Variants in SYNE2 observed in about 807,000 individuals in gnomAD.
The protein encoded by SYNE2 is nesprin-2.
SYNE2 carries 431 observed loss-of-function variants against 856.3 expected under a neutral mutation model. The ratio of observed to expected loss-of-function variants is 0.50; its 90% CI spans 0.47 to 0.55. The LOEUF (loss-of-function observed/expected upper bound fraction) is 0.55. Ranked by LOEUF, SYNE2 falls within the 20% of genes least tolerant of loss-of-function variation. The probability of loss-of-function intolerance (pLI) is 0.00; values close to 1 mark genes in which losing one functional copy is unlikely to be tolerated. For missense variants in SYNE2, 8,129 were observed against 8,023.2 expected, an observed-to-expected ratio of 1.01 and a Z score of -0.50; for synonymous variants, 2,923 against 2,872.3, an observed-to-expected ratio of 1.02 and a Z score of -0.56.
chr14:64,059,075 T>C (rs140651274), intron 49 of SYNE2, among the ~76,000 whole-genome samples: 9 of 152,262 alleles, frequency 5.9e-5, no homozygotes, highest in Non-Finnish European at 1.2e-4. Context: ...TTCTCTGTTA[T>C]CTTGAATTTC....
At chr14:63,796,314 C>T in intron 1 of SYNE2, among the ~76,000 whole-genome samples, 1 of 152,104 alleles carries the variant, frequency 6.6e-6, no homozygotes, top group East Asian at 1.9e-4. Context: ...CAAATATTAG[C>T]TGGGCATGGT....
intron 1 of SYNE2, among the ~76,000 whole-genome samples, chr14:63,886,349 T>G (rs970787438): frequency 1.3e-5 from 2 of 152,210 alleles, no homozygotes; most frequent in Non-Finnish European, 2.9e-5. Context: ...GGTAATGACT[T>G]TTTATTAGAA....
chr14:64,090,643 C>A (rs548583342), intron 59 of SYNE2, among the ~76,000 whole-genome samples: 1 of 152,248 alleles, frequency 6.6e-6, no homozygotes, highest in Middle Eastern at 3.4e-3. Flanking sequence ...TGTCCAAATG[C>A]GTAATTTAGT....
intron 113 of SYNE2, 140 bp from the exon 114 acceptor site, chr14:64,224,321 A>G: frequency 2.4e-6 from 2 of 827,784 alleles, no homozygotes; most frequent in South Asian, 2.8e-5. Flanking sequence ...ACTGCACTCC[A>G]GCCTGGGTGA....
At position 64,177,463 on chromosome 14, in the gene SYNE2, A is replaced by G. The variant is rs1317921405; in HGVS notation, c.17536A>G (p.Asn5846Asp). The G allele has an allele frequency of 1.9e-6, 3 of 1,614,098 alleles. No individual in the cohort carries two copies. The African/African-American group carries it at 4.0e-5, about 22-fold the overall frequency. ...PLPELHEDLH[N>D]EKELIKELEQ... ...TCCAGAGCTTCACGAGGACCTCCAT[A>G]ACGAAAAAGAGCTGATTAAGGTATT... Residue 5846 changes from asparagine to aspartate, a missense_variant, in exon 96 of 116, where the codon AAC becomes GAC. Asn to Asp is a conservative substitution (Grantham distance 23, BLOSUM62 1). Around this residue, in one of 3 missense-constraint regions of SYNE2, gnomAD observed 5,410 missense variants for 5,284.8 expected, o/e 1.02. Coordinates refer to ENST00000555002, the MANE Select transcript of SYNE2 (RefSeq NM_182914.3).
chr14:63,853,969 T>G (rs1891099462), intron 1 of SYNE2, among the ~76,000 whole-genome samples: 1 of 152,164 alleles, frequency 6.6e-6, no homozygotes, highest in South Asian at 2.1e-4. Context: ...CATTAGCGCC[T>G]TATTTGATTG....
intron 45 of SYNE2, among the ~76,000 whole-genome samples, chr14:64,042,989 C>G (rs979528015): frequency 6.6e-6 from 1 of 152,144 alleles, no homozygotes; most frequent in African/African-American, 2.4e-5. Flanking sequence ...TGTTGAATGG[C>G]TTTGACCAAA....
At chr14:64,148,461 A>G (rs907821101) in intron 84 of SYNE2, among the ~76,000 whole-genome samples, 1 of 152,200 alleles carries the variant, frequency 6.6e-6, no homozygotes, top group Non-Finnish European at 1.5e-5. Flanking sequence ...ATCCCTCGTC[A>G]GTCCCCATTT....
chr14:64,016,491 G>A lies in SYNE2; in HGVS notation c.4747G>A (p.Glu1583Lys). ...RIAEIEIVKE[E>K]FNEHLEVVDK... The stretch of plus-strand genomic sequence containing the variant: ...TTTACAGATTGAAATTGTCAAAGAA[G>A]AATTTAATGAGCATTTAGAAGTTGT... Residue 1583 changes from glutamate to lysine, a missense_variant, in exon 33 of 116, where the codon GAA (glutamate) becomes AAA (lysine). Physicochemically the swap from Glu to Lys is moderately conservative, Grantham distance 56 (BLOSUM62 1). Coordinates refer to ENST00000555002, the MANE Select transcript of SYNE2 (RefSeq NM_182914.3). 1 of 1,590,442 alleles carries A rather than the reference G, an allele frequency of 6.3e-7. No individual in the cohort carries two copies. The highest frequency in any genetic ancestry group is 1.2e-5 in the South Asian group (1 of 86,944).
At chr14:64,122,198 T>A in intron 69 of SYNE2, 65 bp downstream of exon 69, 1 of 1,614,024 alleles carries the variant, frequency 6.2e-7, no homozygotes, top group Non-Finnish European at 8.5e-7. Context: ...TAAGAGTGTT[T>A]CTTTTAAAAA....
intron 1 of SYNE2, among the ~76,000 whole-genome samples, chr14:63,854,442 T>C (rs1045989086): frequency 2.6e-5 from 4 of 152,170 alleles, no homozygotes; most frequent in Non-Finnish European, 5.9e-5. Context: ...TGACTCCTTC[T>C]CCAAGTTGTC....
At chr14:63,803,129 G>GC (rs1165937233) in intron 1 of SYNE2, among the ~76,000 whole-genome samples, 1 of 152,164 alleles carries the variant, frequency 6.6e-6, no homozygotes, top group Non-Finnish European at 1.5e-5. Flanking sequence ...GCTGATTGGT[G>GC]CGTTTACAAT....
In SYNE2 at chr14:64,089,441, G is replaced by C. The variant is rs1204434254; in HGVS notation, c.11671-133G>C. On this transcript the variant is annotated intron_variant, in intron 58 of 115. Coordinates refer to ENST00000555002, the MANE Select transcript of SYNE2 (RefSeq NM_182914.3). ...ATTATTTATTTATCTATAGTGCTTG[G>C]TTAGTTTTTCAGAGGTATAGATGGC... The C allele has an allele frequency of 1.7e-5, 10 of 590,666 alleles. No homozygotes were observed. In the East Asian group the frequency reaches 2.4e-4, roughly 14 times the overall value. The allele number at this position is 590,666 out of a possible 1,614,324, so 36.6% of individuals were successfully genotyped here. A position where few individuals can be genotyped will look rare whatever the true frequency, so the allele number is the denominator to read the frequency against.
chr14:64,168,896 C>T lies in SYNE2; in HGVS notation c.16925C>T (p.Ser5642Phe), dbSNP rs1181045488. The T allele has an allele frequency of 1.2e-6, 2 of 1,613,854 alleles. No homozygotes were observed. The highest frequency in any genetic ancestry group is 2.2e-5 in the South Asian group (2 of 91,074). ...ATACAGATGTTAGAAGCTGAAGTTT[C>T]TATAAACCAGACAATTGCTGATTCC... ...KTYKMLEAEV[S>F]INQTIADSYV... Residue 5642 changes from serine (S) to phenylalanine (F), a missense_variant, in exon 93 of 116, where the codon TCT becomes TTT. By Grantham distance (155) the Ser-to-Phe change is radical (BLOSUM62 -2). This residue lies in a region of SYNE2 where 5,410 missense variants were observed against 5,284.8 expected (regional missense o/e 1.02). Coordinates refer to ENST00000555002, the MANE Select transcript of SYNE2 (RefSeq NM_182914.3).
At chr14:63,979,062 G>A in intron 14 of SYNE2, 48 bp downstream of exon 14, 1 of 1,589,174 alleles carries the variant, frequency 6.3e-7, no homozygotes, top group Non-Finnish European at 8.6e-7. Context: ...ATCTCTGGGT[G>A]CTGTGTTTGC....
At chr14:64,069,123 C>G (rs1595290354) in intron 51 of SYNE2, among the ~76,000 whole-genome samples, 1 of 152,152 alleles carries the variant, frequency 6.6e-6, no homozygotes, top group Non-Finnish European at 1.5e-5. Context: ...GTCAAATCTG[C>G]CAGTTTCTGG....
chr14:63,991,338 GA>G (rs1159917314), intron 21 of SYNE2, among the ~76,000 whole-genome samples: 1 of 152,182 alleles, frequency 6.6e-6, no homozygotes, highest in Non-Finnish European at 1.5e-5. Flanking sequence ...TGTACTCAGT[GA>G]TACGGTGTAA....
At chr14:63,875,712 C>T (rs966252395) in intron 1 of SYNE2, among the ~76,000 whole-genome samples, 7 of 152,160 alleles carry the variant, frequency 4.6e-5, no homozygotes, top group Non-Finnish European at 1.0e-4. Flanking sequence ...AATACCTTCA[C>T]ATATTAAACA....
At chr14:64,070,563 A>C in intron 51 of SYNE2, 82 bp from the exon 52 acceptor site, 4 of 1,198,432 alleles carry the variant, frequency 3.3e-6, no homozygotes, top group Middle Eastern at 2.4e-4. Flanking sequence ...AAGAGAGAGC[A>C]TACAAAAATT....
Sources: allele counts gnomAD v4.1 joint callset (sites outside exome capture counted in the v4.1 genomes callset), GRCh38; gene constraint gnomAD v4.1.1; regional missense constraint gnomAD v4.1.1; transcripts MANE v1.5; gene names NCBI Gene and HGNC (gene_info 2026-07-23, HGNC 2026-07-21).